The following USP1 variants were observed in gnomAD, a reference collection of about 807,000 sequenced individuals.
USP1 encodes ubiquitin carboxyl-terminal hydrolase 1.
A neutral mutation model predicts 72.2 loss-of-function variants in USP1; 18 were observed. That is an observed-to-expected ratio of 0.25 (90% CI 0.17 to 0.37). The LOEUF is 0.37. Ranked by LOEUF, USP1 falls within the 10% of genes least tolerant of loss-of-function variation. USP1 has a pLI of 1.00. For synonymous variants in USP1, 354 were observed against 303.7 expected (o/e 1.17, Z -1.72); for missense variants, 759 against 884.9 (o/e 0.86, Z 1.81).
At position 62,448,646 on chromosome 1, in the gene USP1, C is replaced by T; in HGVS notation, c.1602C>T (p.Cys534=). Residue 534 remains cysteine (C), a synonymous_variant, in exon 8 of 9, where the codon TGC becomes TGT. Coordinates refer to ENST00000339950, the MANE Select transcript of USP1 (RefSeq NM_003368.5). The part of the protein sequence containing the change: ...MPEVITIHLK[C]FAASGLEFDC... Reference sequence around the variant, plus strand: ...AAGTTATAACTATTCATTTGAAGTGCTTTGCTGCTAGTGGTTTGGAGTAAG... The same window carrying T: ...AAGTTATAACTATTCATTTGAAGTGTTTTGCTGCTAGTGGTTTGGAGTAAG... 1 of 1,612,910 alleles carries T rather than the reference C, an allele frequency of 6.2e-7. No individual in the cohort carries two copies. The highest frequency in any genetic ancestry group is 8.5e-7 in the Non-Finnish European group (1 of 1,179,866).
intron 8 of USP1, among the ~76,000 whole-genome samples, chr1:62,449,212 T>G (rs1645196862): frequency 6.6e-6 from 1 of 152,182 alleles, no homozygotes; most frequent in South Asian, 2.1e-4. Flanking sequence ...TTCATATTCA[T>G]TCCCTCTTAG....
At chr1:62,440,062 T>A in intron 2 of USP1, 25 bp downstream of exon 2, 1 of 1,403,780 alleles carries the variant, frequency 7.1e-7, no homozygotes, top group Non-Finnish European at 9.3e-7. Context: ...TTTCTGTACT[T>A]TAAAAATTCT....
chr1:62,450,609 T>A lies in USP1; in HGVS notation c.1986T>A (p.Asn662Lys), dbSNP rs201247199. 5.0e-6 allele frequency: 8 copies of A among 1,614,034 alleles called. No individual in the cohort carries two copies. In the African/African-American group the frequency reaches 9.3e-5, roughly 19 times the overall value. ...CAAGTAAAGTTTTGAACAAAAAAAA[T>A]GTAGAAGCTATTGGACTTCTTGGAG... ...TQPSKVLNKKNVEAIGLLGGQ... is the reference protein window; with the variant it reads ...TQPSKVLNKKKVEAIGLLGGQ... The change falls in exon 9 of 9, where the codon AAT (asparagine) becomes AAA (lysine). Residue 662 changes from asparagine to lysine, a missense_variant. Asn to Lys is a moderately conservative substitution (Grantham distance 94). Around this residue, in one of 9 missense-constraint regions of USP1, gnomAD observed 159 missense variants for 140.9 expected, o/e 1.13. Coordinates refer to ENST00000339950, the MANE Select transcript of USP1 (RefSeq NM_003368.5).
Position 62,439,872 on chromosome 1 carries a change from C to A in USP1, c.5C>A (p.Pro2His). Residue 2 changes from proline (P) to histidine (H), a missense_variant, in exon 2 of 9, where the codon CCT becomes CAT. Physicochemically the swap from Pro to His is moderately conservative, Grantham distance 77. This residue lies in a region of USP1 where 86 missense variants were observed against 82.0 expected (regional missense o/e 1.05). Transcript: ENST00000339950. ...CCTTGGGATTTGAAGAAAAAAATGCCTGGTGTCATACCTAGTGAAAGTAAT... is the reference window on the plus strand; with the variant it reads ...CCTTGGGATTTGAAGAAAAAAATGCATGGTGTCATACCTAGTGAAAGTAAT... Reference protein sequence around the residue: MPGVIPSESNGL... With the variant: MHGVIPSESNGL... The A allele has an allele frequency of 7.1e-7, 1 of 1,409,016 alleles. No individual in the cohort carries two copies. The allele number at this position is 1,409,016 out of a possible 1,614,324, so 87.3% of individuals were successfully genotyped here. A position where few individuals can be genotyped will look rare whatever the true frequency, so the allele number is the denominator to read the frequency against.
intron 6 of USP1, 120 bp from the exon 7 acceptor site, chr1:62,447,221 C>A: frequency 2.0e-6 from 2 of 976,922 alleles, no homozygotes; most frequent in Non-Finnish European, 1.5e-6. Context: ...TGCTAATAAG[C>A]TGATCTATGA....
chr1:62,451,023 A>G lies in USP1; in HGVS notation c.*42A>G. ...TTGTGTATATATTAAACACACCCAT[A>G]CAAACATTGGTAAAGTTGATTACAT... is the stretch of plus-strand genomic sequence containing the variant. On this transcript the variant is annotated 3_prime_UTR_variant, in exon 9 of 9. Transcript: ENST00000339950. 6.7e-7 allele frequency: 1 copy of G among 1,494,930 alleles called. No individual in the cohort carries two copies. The highest frequency in any genetic ancestry group is 8.9e-7 in the Non-Finnish European group (1 of 1,127,032). The allele number at this position is 1,494,930 out of a possible 1,614,324, so 92.6% of individuals were successfully genotyped here. A position where few individuals can be genotyped will look rare whatever the true frequency, so the allele number is the denominator to read the frequency against.
chr1:62,442,435 A>G (rs565603710), intron 4 of USP1, 136 bp downstream of exon 4: 27 of 610,392 alleles, frequency 4.4e-5, no homozygotes, highest in South Asian at 2.6e-4. Flanking sequence ...TTGTCAGGCA[A>G]TTATTTTTCA....
Position 62,445,013 on chromosome 1 carries a change from G to A in USP1, c.833G>A (p.Gly278Asp), listed in dbSNP as rs200153856. 6.8e-6 allele frequency: 11 copies of A among 1,613,124 alleles called. No individual in the cohort carries two copies. Among genetic ancestry groups the A allele is most frequent in the Non-Finnish European group, 9.3e-6 (11 of 1,179,768 alleles). ...NGKRKSDTEFGNMKKKVKLSK... is the reference protein window; with the variant it reads ...NGKRKSDTEFDNMKKKVKLSK... The stretch of plus-strand genomic sequence containing the variant: ...AAAAGAAAAAGTGACACTGAATTTG[G>A]TAACATGAAGAAAAAAGTTAAATTA... The change falls in exon 6 of 9, where the codon GGT becomes GAT. Residue 278 changes from glycine to aspartate, a missense_variant. Physicochemically the swap from Gly to Asp is moderately conservative, Grantham distance 94. Coordinates refer to ENST00000339950, the MANE Select transcript of USP1 (RefSeq NM_003368.5).
chr1:62,443,956 A>T (rs1377341922), intron 5 of USP1, among the ~76,000 whole-genome samples: 1 of 152,156 alleles, frequency 6.6e-6, no homozygotes, highest in African/African-American at 2.4e-5. Flanking sequence ...ATATATTGCT[A>T]TACCTTAGTT....
chr1:62,450,392 G>A lies in USP1; in HGVS notation c.1769G>A (p.Ser590Asn). The A allele has an allele frequency of 6.2e-7, 1 of 1,614,110 alleles. No individual in the cohort carries two copies. The highest frequency in any genetic ancestry group is 8.5e-7 in the Non-Finnish European group (1 of 1,180,024). The change falls in exon 9 of 9, where the codon AGT (serine) becomes AAT (asparagine). Residue 590 changes from serine to asparagine, a missense_variant. Physicochemically the swap from Ser to Asn is conservative, Grantham distance 46. Coordinates refer to ENST00000339950, the MANE Select transcript of USP1 (RefSeq NM_003368.5). ...AVVMHSGITISSGHYTASVKV... is the reference protein window; with the variant it reads ...AVVMHSGITINSGHYTASVKV... ...GTGATGCATAGTGGCATTACAATTA[G>A]TAGTGGGCATTACACTGCTTCTGTT...
intron 6 of USP1, among the ~76,000 whole-genome samples, chr1:62,446,937 C>T (rs539082764): frequency 6.6e-6 from 1 of 152,222 alleles, no homozygotes; most frequent in East Asian, 1.9e-4. Flanking sequence ...GCCTCAGCCT[C>T]CCGAGTAGCT....
chr1:62,437,964 A>G (rs1188665355), intron 1 of USP1, among the ~76,000 whole-genome samples: 3 of 152,230 alleles, frequency 2.0e-5, no homozygotes, highest in South Asian at 2.1e-4. Flanking sequence ...CACGCTGTCA[A>G]CAGATAATGG....
chr1:62,446,681 A>G (rs942929259), intron 6 of USP1, among the ~76,000 whole-genome samples: 3 of 152,242 alleles, frequency 2.0e-5, no homozygotes, highest in Non-Finnish European at 2.9e-5. Flanking sequence ...AGATCTACAG[A>G]TATCAGGGAA....
At position 62,450,926 on chromosome 1, in the gene USP1, C is replaced by G. The variant is rs1645211809; in HGVS notation, c.2303C>G (p.Ser768Cys). The G allele has an allele frequency of 6.2e-7, 1 of 1,612,344 alleles. No individual in the cohort carries two copies. Among genetic ancestry groups the G allele is most frequent in the Admixed American group, 1.7e-5 (1 of 59,760 alleles). ...GAGAAGGACTTTCTGAATTCTCTTT[C>G]CCCTTCTACATCTCCTACTTCTACT... is the stretch of plus-strand genomic sequence containing the variant. ...TEEKDFLNSL[S>C]PSTSPTSTPY... The change falls in exon 9 of 9, where the codon TCC (serine) becomes TGC (cysteine). Residue 768 changes from serine to cysteine, a missense_variant. This residue lies in a region of USP1 where 22 missense variants were observed against 23.4 expected (regional missense o/e 0.94). Transcript: ENST00000339950.
intron 6 of USP1, among the ~76,000 whole-genome samples, chr1:62,446,709 T>C (rs562824301): frequency 6.6e-5 from 10 of 152,344 alleles, no homozygotes; most frequent in East Asian, 1.9e-4. Context: ...AATATTGATA[T>C]AGTGAATAGT....
chr1:62,444,857 T>G lies in USP1; in HGVS notation c.677T>G (p.Val226Gly). ...CTAAAAAAAGAAGAAGTAAAAAATG[T>G]GGCAGAATTACCTACTAAGGTAGAA... Reference protein sequence around the residue: ...QLLKKEEVKNVAELPTKVEEI... With the variant: ...QLLKKEEVKNGAELPTKVEEI... The change falls in exon 6 of 9, where the codon GTG (valine) becomes GGG (glycine). Residue 226 changes from valine (V) to glycine (G), a missense_variant. Around this residue, in one of 9 missense-constraint regions of USP1, gnomAD observed 245 missense variants for 240.7 expected, o/e 1.02. Coordinates refer to ENST00000339950, the MANE Select transcript of USP1 (RefSeq NM_003368.5). 1 of 1,613,342 alleles carries G rather than the reference T, an allele frequency of 6.2e-7. No homozygotes were observed. The highest frequency in any genetic ancestry group is 1.1e-5 in the South Asian group (1 of 90,966).
chr1:62,445,851 C>A (rs1781215), intron 6 of USP1, among the ~76,000 whole-genome samples: 2,720 of 152,116 alleles, frequency 0.018, 85 homozygotes, highest in African/African-American at 0.062. Context: ...TGGTGGCGCA[C>A]GCCTGTAGTC....
Position 62,444,918 on chromosome 1 carries a change from T to C in USP1, c.738T>C (p.Ile246=). Residue 246 remains isoleucine, a synonymous_variant, in exon 6 of 9, where the codon ATT becomes ATC. Coordinates refer to ENST00000339950, the MANE Select transcript of USP1 (RefSeq NM_003368.5). ...ATCCGAAAGAGGAAATGAATGGTAT[T>C]AACAGCATAGAGATGGACAGTATGA... ...IPHPKEEMNG[I]NSIEMDSMRH... is the part of the protein sequence containing the mutation. The C allele has an allele frequency of 6.2e-7, 1 of 1,613,752 alleles. No individual in the cohort carries two copies. The highest frequency in any genetic ancestry group is 8.5e-7 in the Non-Finnish European group (1 of 1,179,848).
At chr1:62,448,021 C>T (rs1223388494) in intron 7 of USP1, among the ~76,000 whole-genome samples, 3 of 152,100 alleles carry the variant, frequency 2.0e-5, no homozygotes, top group Non-Finnish European at 2.9e-5. Flanking sequence ...CTCCTGACCT[C>T]GTGATCCGCC....
Sources: gnomAD v4.1 joint callset for allele counts (sites outside exome capture counted in the v4.1 genomes callset) on GRCh38, gnomAD v4.1.1 for gene constraint, gnomAD v4.1.1 regional missense constraint, MANE v1.5 for transcripts, NCBI Gene and HGNC (gene_info 2026-07-23, HGNC 2026-07-21) for gene names.